NDST3: variants seen among roughly 807,000 people sequenced by gnomAD.
The protein encoded by NDST3 is N-deacetylase and N-sulfotransferase 3.
Under a neutral mutation model 96.1 loss-of-function variants are expected in NDST3, and 58 were observed. That is an observed-to-expected ratio of 0.60 (90% CI 0.49 to 0.75). NDST3 has a LOEUF of 0.75. Among genes scored for constraint, NDST3 ranks in the 30% least tolerant of loss-of-function variants. The pLI is 0.00. For missense variants in NDST3, 788 were observed against 1,034.2 expected (o/e 0.76, Z 3.27); for synonymous variants, 333 against 359.7 (o/e 0.93, Z 0.84).
intron 2 of NDST3, among the ~76,000 whole-genome samples, chr4:118,066,496 ATGT>A (rs1726529376): frequency 1.3e-5 from 1 of 75,714 alleles, no homozygotes; most frequent in African/African-American, 5.0e-5. Context: ...TACATTATAT[ATGT>A]TATATATTAT....
intron 8 of NDST3, among the ~76,000 whole-genome samples, 174 bp downstream of exon 8, chr4:118,227,156 GT>G (rs1176977723): frequency 1.3e-5 from 2 of 151,122 alleles, no homozygotes; most frequent in Non-Finnish European, 1.5e-5. Context: ...TTATCGAAGT[GT>G]TTTTTAAGTG....
intron 10 of NDST3, among the ~76,000 whole-genome samples, chr4:118,238,591 C>T (rs1176657073): frequency 6.6e-6 from 1 of 152,138 alleles, no homozygotes; most frequent in Non-Finnish European, 1.5e-5. Flanking sequence ...TTAAAAAATG[C>T]TTTCCTACTG....
intron 6 of NDST3, among the ~76,000 whole-genome samples, chr4:118,224,085 A>G (rs943290118): frequency 1.3e-5 from 2 of 152,146 alleles, no homozygotes; most frequent in Non-Finnish European, 2.9e-5. Context: ...AGTCAATTTT[A>G]TCTAGCCAAG....
At position 118,198,889 on chromosome 4, in the gene NDST3, T is replaced by C. The variant is rs180885065; in HGVS notation, c.1540-25602T>C. On this transcript the variant is annotated intron_variant, in intron 6 of 13. Coordinates refer to ENST00000296499, the MANE Select transcript of NDST3 (RefSeq NM_004784.3). ...TTTAAATATTTCATTCCACTCTCTC[T>C]TGGCCTGTAAGGTTTCCACTGAAAA... 1.7e-3 allele frequency among the ~76,000 whole-genome samples: 265 copies of C among 152,322 alleles called. 1 individual carries two copies. Among genetic ancestry groups the C allele is most frequent in the Non-Finnish European group, 3.0e-3 (202 of 68,030 alleles).
chr4:118,165,233 A>C (rs1054350324), intron 6 of NDST3, among the ~76,000 whole-genome samples: 5 of 152,140 alleles, frequency 3.3e-5, no homozygotes, highest in African/African-American at 9.6e-5. Context: ...AAAGCATGGA[A>C]AATTTATTCC....
chr4:118,083,140 C>T (rs1728151810), intron 2 of NDST3, among the ~76,000 whole-genome samples: 2 of 152,136 alleles, frequency 1.3e-5, no homozygotes, highest in Admixed American at 6.5e-5. Context: ...TATTTTAAAA[C>T]ACCACTGATG....
In NDST3 at chr4:118,054,183, T is replaced by G; in HGVS notation, c.273T>G (p.Leu91=). Reference sequence around the variant, plus strand: ...TTGTAGAGAGCCAGTACTCATCTCTTGGTCAAGACATCATTATGATTCTAG... The same window carrying G: ...TTGTAGAGAGCCAGTACTCATCTCTGGGTCAAGACATCATTATGATTCTAG... ...LVFVESQYSS[L]GQDIIMILES... is the part of the protein sequence containing the mutation. Residue 91 remains leucine (L), a synonymous_variant, in exon 2 of 14, where the codon CTT becomes CTG. Coordinates refer to ENST00000296499, the MANE Select transcript of NDST3 (RefSeq NM_004784.3). 6.2e-7 allele frequency: 1 copy of G among 1,613,130 alleles called. No individual in the cohort carries two copies.
At chr4:118,200,092 G>A (rs1248269823) in intron 6 of NDST3, among the ~76,000 whole-genome samples, 2 of 152,176 alleles carry the variant, frequency 1.3e-5, no homozygotes, top group East Asian at 1.9e-4. Flanking sequence ...CAATTAGCTG[G>A]TGACAGAGCC....
intron 6 of NDST3, among the ~76,000 whole-genome samples, chr4:118,190,042 C>T (rs991482101): frequency 6.6e-6 from 1 of 151,596 alleles, no homozygotes; most frequent in African/African-American, 2.4e-5. Flanking sequence ...ATTTTAAATA[C>T]ACATTTTATG....
chr4:118,133,825 C>G (rs1447504146), intron 4 of NDST3, among the ~76,000 whole-genome samples: 2 of 152,170 alleles, frequency 1.3e-5, no homozygotes, highest in Non-Finnish European at 2.9e-5. Flanking sequence ...TAGTCAGAAT[C>G]AGATCATACT....
At chr4:118,243,275 G>T (rs1318034288) in intron 12 of NDST3, among the ~76,000 whole-genome samples, 1 of 151,886 alleles carries the variant, frequency 6.6e-6, no homozygotes, top group African/African-American at 2.4e-5. Flanking sequence ...AACAAACTTT[G>T]CAGGAAAAAA....
intron 4 of NDST3, among the ~76,000 whole-genome samples, chr4:118,132,433 T>C (rs534642267): frequency 1.6e-4 from 24 of 152,222 alleles, no homozygotes; most frequent in African/African-American, 5.5e-4. Context: ...TGGTGAATGC[T>C]GCCTGGCCTG....
intron 6 of NDST3, among the ~76,000 whole-genome samples, chr4:118,183,563 ATTT>A (rs1736736864): frequency 2.6e-5 from 4 of 152,148 alleles, no homozygotes; most frequent in Non-Finnish European, 5.9e-5. Context: ...AACTCCTATC[ATTT>A]GGGAAATTTC....
intron 12 of NDST3, among the ~76,000 whole-genome samples, chr4:118,252,082 G>C (rs1366377127): frequency 6.6e-6 from 1 of 152,044 alleles, no homozygotes; most frequent in Non-Finnish European, 1.5e-5. Context: ...CCTAGAAGTA[G>C]AACAGATTAA....
intron 6 of NDST3, among the ~76,000 whole-genome samples, chr4:118,161,736 T>C (rs1456475950): frequency 6.6e-6 from 1 of 152,162 alleles, no homozygotes; most frequent in Non-Finnish European, 1.5e-5. Flanking sequence ...AAGTGCAGTA[T>C]TAGGGTGGGA....
chr4:118,058,634 T>TGTGTGC (rs1491357876), intron 2 of NDST3, among the ~76,000 whole-genome samples: 8 of 11,528 alleles, frequency 6.9e-4, no homozygotes, highest in African/African-American at 9.7e-4. Context: ...TGTGTGTGTG[T>TGTGTGC]GCGCGCGCGC....
At position 118,255,668 on chromosome 4, in the gene NDST3, C is replaced by G. The variant is rs200998923; in HGVS notation, c.2578C>G (p.Pro860Ala). The G allele has an allele frequency of 2.5e-6, 4 of 1,613,688 alleles. No individual in the cohort carries two copies. Among genetic ancestry groups the G allele is most frequent in the East Asian group, 2.2e-5 (1 of 44,856 alleles). The change falls in exon 14 of 14, where the codon CCT becomes GCT. Residue 860 changes from proline (P) to alanine (A), a missense_variant. Physicochemically the swap from Pro to Ala is conservative, Grantham distance 27 (BLOSUM62 -1). This residue lies in a region of NDST3 where 64 missense variants were observed against 68.5 expected (regional missense o/e 0.93). Transcript: ENST00000296499. ...AAAGCTGCTGCACAAACTGGGTCAG[C>G]CTCTGCCATCCTGGCTGAGACAGGA... ...LSKLLHKLGQ[P>A]LPSWLRQELQ...
At position 118,054,059 on chromosome 4, in the gene NDST3, T is replaced by C. The variant is rs148835167; in HGVS notation, c.149T>C (p.Val50Ala). The C allele has an allele frequency of 1.2e-5, 19 of 1,613,040 alleles. No homozygotes were observed. The highest frequency in any genetic ancestry group is 1.4e-5 in the Non-Finnish European group (17 of 1,179,318). The change falls in exon 2 of 14, where the codon GTT becomes GCT. Residue 50 changes from valine to alanine, a missense_variant. This residue lies in a region of NDST3 where 234 missense variants were observed against 256.9 expected (regional missense o/e 0.91). Coordinates refer to ENST00000296499, the MANE Select transcript of NDST3 (RefSeq NM_004784.3). ...GAACTCTCTGAGACGGCTTCAGAAG[T>C]TGACTGTGGCGACCTCCAACACCTA... ...ENELSETASEVDCGDLQHLPY... is the reference protein window; with the variant it reads ...ENELSETASEADCGDLQHLPY...
intron 6 of NDST3, chr4:118,193,820 G>A: frequency 6.9e-7 from 1 of 1,451,024 alleles, no homozygotes; most frequent in South Asian, 1.2e-5. Context: ...GTTGAGGTAA[G>A]AGGCCAGTTG....
Sources: gnomAD v4.1 joint callset for allele counts (sites outside exome capture counted in the v4.1 genomes callset) on GRCh38, gnomAD v4.1.1 for gene constraint, gnomAD v4.1.1 regional missense constraint, MANE v1.5 for transcripts, NCBI Gene and HGNC (gene_info 2026-07-23, HGNC 2026-07-21) for gene names.